MBD5: variants seen among roughly 807,000 people sequenced by gnomAD.
MBD5 encodes the protein methyl-CpG binding domain protein 5, also known as methyl-CpG-binding domain protein 5.
Under a neutral mutation model 117.3 loss-of-function variants are expected in MBD5, and 13 were observed. That is an observed-to-expected ratio of 0.11 (90% CI 0.07 to 0.18). The LOEUF (loss-of-function observed/expected upper bound fraction) is 0.18. Among genes scored for constraint, MBD5 ranks in the 10% least tolerant of loss-of-function variants. MBD5 has a pLI of 1.00. For synonymous variants in MBD5, 727 were observed against 766.4 expected, an observed-to-expected ratio of 0.95 and a Z score of 0.85; for missense variants, 1,879 against 2,093.8, an observed-to-expected ratio of 0.90 and a Z score of 2.00.
At chr2:148,503,883 G>A (rs1161987085) in intron 12 of MBD5, among the ~76,000 whole-genome samples, 1 of 152,234 alleles carries the variant, frequency 6.6e-6, no homozygotes, top group African/African-American at 2.4e-5. Flanking sequence ...GCCAGTTGCT[G>A]TAAACTATTC....
chr2:148,446,334 C>A (rs917508136), intron 4 of MBD5, among the ~76,000 whole-genome samples: 4 of 151,782 alleles, frequency 2.6e-5, no homozygotes, highest in African/African-American at 9.7e-5. Context: ...AACTGGCTAG[C>A]CATATGTAGA....
chr2:148,285,994 G>T lies in MBD5; in HGVS notation c.-680+52599G>T, dbSNP rs192576942. ...TATAATTTAGTAAAAATTTTAATAA[G>T]TTTTAATAGCAGCAAACACTTCTTT... On this transcript the variant is annotated intron_variant, in intron 3 of 13. Coordinates refer to ENST00000642680, the MANE Select transcript of MBD5 (RefSeq NM_001378120.1). 6.0e-3 allele frequency among the ~76,000 whole-genome samples: 912 copies of T among 151,984 alleles called. 9 individuals are homozygous for T. The highest frequency in any genetic ancestry group is 0.01 in the Non-Finnish European group (703 of 67,968).
chr2:148,137,067 C>G (rs1484795869), intron 1 of MBD5, among the ~76,000 whole-genome samples: 1 of 151,976 alleles, frequency 6.6e-6, no homozygotes. Context: ...CAGCCCAGTT[C>G]CTTCTTAATT....
chr2:148,422,649 T>C (rs1705645864), intron 4 of MBD5, among the ~76,000 whole-genome samples: 1 of 151,948 alleles, frequency 6.6e-6, no homozygotes, highest in Admixed American at 6.6e-5. Flanking sequence ...GCTAAAGGAG[T>C]GTGTTCTAAC....
At chr2:148,178,047 T>C (rs1404533014) in intron 1 of MBD5, among the ~76,000 whole-genome samples, 3 of 152,184 alleles carry the variant, frequency 2.0e-5, no homozygotes, top group African/African-American at 7.2e-5. Context: ...ATCCAAATCC[T>C]GTTTCCCTAA....
intron 4 of MBD5, among the ~76,000 whole-genome samples, chr2:148,385,673 C>G (rs1209094779): frequency 6.6e-6 from 1 of 151,362 alleles, no homozygotes; most frequent in Non-Finnish European, 1.5e-5. Context: ...ATGTTTATTG[C>G]GGCACTATTC....
At chr2:148,237,371 G>C (rs1488555057) in intron 3 of MBD5, among the ~76,000 whole-genome samples, 1 of 152,156 alleles carries the variant, frequency 6.6e-6, no homozygotes, top group Non-Finnish European at 1.5e-5. Flanking sequence ...TTTGAACTGA[G>C]AGACATGTGA....
At chr2:148,290,462 C>G (rs2106424445) in intron 3 of MBD5, among the ~76,000 whole-genome samples, 1 of 152,084 alleles carries the variant, frequency 6.6e-6, no homozygotes, top group East Asian at 1.9e-4. Flanking sequence ...TCAAATTCAC[C>G]ATTGCACTGC....
intron 3 of MBD5, among the ~76,000 whole-genome samples, chr2:148,323,342 G>A (rs921528043): frequency 8.0e-4 from 122 of 152,054 alleles, no homozygotes; most frequent in African/African-American, 2.8e-3. Flanking sequence ...ATGATTTATA[G>A]TCCTTTGGGT....
At chr2:148,124,033 C>G (rs1696830719) in intron 1 of MBD5, among the ~76,000 whole-genome samples, 1 of 152,132 alleles carries the variant, frequency 6.6e-6, no homozygotes, top group Non-Finnish European at 1.5e-5. Flanking sequence ...TAATACAGCA[C>G]TTTGGGTGGC....
At chr2:148,363,787 GATT>G (rs1703614282) in intron 4 of MBD5, among the ~76,000 whole-genome samples, 1 of 152,138 alleles carries the variant, frequency 6.6e-6, no homozygotes, top group African/African-American at 2.4e-5. Context: ...GTGAAGACTA[GATT>G]AGAGAAAAAA....
chr2:148,050,283 G>A lies in MBD5; in HGVS notation c.-925+28599G>A, dbSNP rs866331031. On this transcript the variant is annotated intron_variant, in intron 1 of 13. Coordinates refer to ENST00000642680, the MANE Select transcript of MBD5 (RefSeq NM_001378120.1). The stretch of plus-strand genomic sequence containing the variant: ...TGATTTGCCTTTACTGATGGCTAAC[G>A]ATGTTCCAAATGTTTTCATGTGCTT... Among the ~76,000 whole-genome samples, 7 of 152,230 alleles carry A rather than the reference G, an allele frequency of 4.6e-5. No individual in the cohort carries two copies. In the East Asian group the frequency reaches 5.8e-4, roughly 13 times the overall value.
At chr2:148,222,567 T>C (rs1309197356) in intron 2 of MBD5, among the ~76,000 whole-genome samples, 2 of 152,110 alleles carry the variant, frequency 1.3e-5, no homozygotes, top group Non-Finnish European at 2.9e-5. Flanking sequence ...TGTTCACTGT[T>C]GCATTTTGAA....
intron 4 of MBD5, among the ~76,000 whole-genome samples, chr2:148,439,785 C>A (rs918872242): frequency 2.7e-5 from 4 of 146,354 alleles, no homozygotes; most frequent in Non-Finnish European, 6.0e-5. Flanking sequence ...TGTCGCCCAA[C>A]TGAAGTGCAG....
chr2:148,407,253 T>G (rs949915260), intron 4 of MBD5, among the ~76,000 whole-genome samples: 4 of 152,174 alleles, frequency 2.6e-5, no homozygotes, highest in African/African-American at 9.7e-5. Flanking sequence ...CATAATTTTA[T>G]TTTTAGTTGT....
At chr2:148,262,238 C>CA (rs879530763) in intron 3 of MBD5, among the ~76,000 whole-genome samples, 8 of 151,416 alleles carry the variant, frequency 5.3e-5, no homozygotes, top group Non-Finnish European at 8.8e-5. Context: ...CTGTGAAGAG[C>CA]AAAAAAACAA....
At chr2:148,295,803 GT>G in intron 3 of MBD5, 1 of 173,908 alleles carries the variant, frequency 5.8e-6, no homozygotes, top group Non-Finnish European at 1.2e-5. Context: ...CCCCTGAAGT[GT>G]TACACAGACA....
chr2:148,128,607 T>C (rs1211654170), intron 1 of MBD5, among the ~76,000 whole-genome samples: 2 of 152,210 alleles, frequency 1.3e-5, no homozygotes, highest in East Asian at 3.8e-4. Context: ...TACACATATA[T>C]GCATGTTTTT....
intron 4 of MBD5, among the ~76,000 whole-genome samples, chr2:148,381,014 T>C (rs1450623206): frequency 6.6e-6 from 1 of 151,684 alleles, no homozygotes; most frequent in Non-Finnish European, 1.5e-5. Context: ...ACCACAAAGA[T>C]GGGGAAAAAA....
Sources: allele counts gnomAD v4.1 joint callset (sites outside exome capture counted in the v4.1 genomes callset), GRCh38; gene constraint gnomAD v4.1.1; transcripts MANE v1.5; gene names NCBI Gene and HGNC (gene_info 2026-07-23, HGNC 2026-07-21).